MAN1A1: variants seen among roughly 807,000 people sequenced by gnomAD.
The protein encoded by MAN1A1 is mannosyl-oligosaccharide 1,2-alpha-mannosidase IA.
A neutral mutation model predicts 70.8 loss-of-function variants in MAN1A1; 29 were observed. That is an observed-to-expected ratio of 0.41 (90% confidence interval 0.31 to 0.56). MAN1A1 has a LOEUF of 0.56. MAN1A1 is among the 20% of genes least tolerant of loss of function. The pLI, the probability that MAN1A1 is intolerant of heterozygous loss-of-function variation, is 0.29. For synonymous variants in MAN1A1, 349 were observed against 330.1 expected (o/e 1.06, Z -0.62); for missense variants, 747 against 841.3 (o/e 0.89, Z 1.39).
chr6:119,210,327 G>GA lies in MAN1A1; in HGVS notation c.993-5446dup, dbSNP rs1237186010. 9.9e-5 allele frequency among the ~76,000 whole-genome samples: 15 copies of GA among 152,028 alleles called. 1 individual carries two copies. The highest frequency in any genetic ancestry group is 8.5e-4 in the Admixed American group (13 of 15,246). The stretch of plus-strand genomic sequence containing the variant: ...TCTGTCCAGTTACTGGGCAAGTTGG[G>GA]ATATTCTATCAATAGCTTCAGAGAA... On this transcript the variant is annotated intron_variant, in intron 6 of 12. Coordinates refer to ENST00000368468, the MANE Select transcript of MAN1A1 (RefSeq NM_005907.4).
chr6:119,257,604 A>T (rs1480916949), intron 5 of MAN1A1, among the ~76,000 whole-genome samples: 5 of 152,222 alleles, frequency 3.3e-5, no homozygotes, highest in Admixed American at 3.3e-4. Flanking sequence ...TCAAGAAGAA[A>T]GTATATGCTT....
chr6:119,223,659 G>A lies in MAN1A1; in HGVS notation c.993-18777C>T, dbSNP rs571713790. 3.3e-5 allele frequency among the ~76,000 whole-genome samples: 5 copies of A among 152,050 alleles called. No individual in the cohort carries two copies. In the South Asian group the frequency reaches 6.2e-4, roughly 19 times the overall value. On this transcript the variant is annotated intron_variant, in intron 6 of 12. Transcript: ENST00000368468. ...GAAAAGAGTTTGGATATCTAAAAAC[G>A]GGAGACAGGTTAAAAATTATGGCCT...
chr6:119,179,754 C>T lies in MAN1A1; in HGVS notation c.*65G>A. The T allele has an allele frequency of 6.8e-7, 1 of 1,463,080 alleles. No individual in the cohort carries two copies. The highest frequency in any genetic ancestry group is 1.2e-5 in the South Asian group (1 of 83,342). 90.6% of individuals were successfully genotyped at this position (1,463,080 alleles called of 1,614,324 possible). Reference sequence around the variant, plus strand: ...CAAAGTTCATCATGTGCCTGATTACCAGAAAAGGAATTATTAAGGTATACA... The same window carrying T: ...CAAAGTTCATCATGTGCCTGATTACTAGAAAAGGAATTATTAAGGTATACA... On this transcript the variant is annotated 3_prime_UTR_variant, in exon 13 of 13. Transcript: ENST00000368468.
At chr6:119,259,098 C>T (rs1250302190) in intron 5 of MAN1A1, among the ~76,000 whole-genome samples, 3 of 152,150 alleles carry the variant, frequency 2.0e-5, no homozygotes, top group Admixed American at 6.5e-5. Flanking sequence ...ACTAAATGGT[C>T]CAAAAGCTGC....
rs187834412 is a variant in MAN1A1 at position 119,180,490 on chromosome 6, A to G, written c.1720-63T>C. Reference sequence around the variant, plus strand: ...AGTAAACTGATTGTCACTAATTTTTATTATTAGATTGTCAAGTTCAGATAA... The same window carrying G: ...AGTAAACTGATTGTCACTAATTTTTGTTATTAGATTGTCAAGTTCAGATAA... On this transcript the variant is annotated intron_variant, in intron 11 of 12. Transcript: ENST00000368468. 5.9e-4 allele frequency: 511 copies of G among 864,114 alleles called. 6 individuals carry two copies. In the Middle Eastern group the frequency reaches 0.02, roughly 33 times the overall value. 53.5% of individuals were successfully genotyped at this position (864,114 alleles called of 1,614,324 possible).
chr6:119,280,007 T>C (rs1776187221), intron 5 of MAN1A1, among the ~76,000 whole-genome samples: 1 of 152,268 alleles, frequency 6.6e-6, no homozygotes, highest in South Asian at 2.1e-4. Flanking sequence ...GTATTTTCTC[T>C]TGGACTCTGT....
chr6:119,252,723 C>G (rs556779743), intron 5 of MAN1A1, among the ~76,000 whole-genome samples: 2 of 152,046 alleles, frequency 1.3e-5, no homozygotes, highest in Non-Finnish European at 2.9e-5. Context: ...ACCCGGGAGG[C>G]GGCAGTTGCA....
chr6:119,264,862 T>C (rs902908209), intron 5 of MAN1A1, among the ~76,000 whole-genome samples: 3 of 152,196 alleles, frequency 2.0e-5, no homozygotes, highest in Non-Finnish European at 2.9e-5. Flanking sequence ...TTTGTGGTAG[T>C]TTATGGGTAA....
chr6:119,278,675 AAGGTGGGGCCTAGTAGG>A (rs952511233), intron 5 of MAN1A1, among the ~76,000 whole-genome samples: 3 of 152,092 alleles, frequency 2.0e-5, no homozygotes, highest in African/African-American at 7.2e-5. Flanking sequence ...CCAGTGTTGG[AAGGTGGGGCCTAGTAGG>A]AGGTGTTTGG....
intron 6 of MAN1A1, among the ~76,000 whole-genome samples, chr6:119,240,073 T>C (rs1380887484): frequency 6.6e-6 from 1 of 152,210 alleles, no homozygotes; most frequent in South Asian, 2.1e-4. Context: ...CTGTGGTAGA[T>C]GCTATGGGAA....
chr6:119,275,602 G>A (rs1412602528), intron 5 of MAN1A1, among the ~76,000 whole-genome samples: 1 of 139,662 alleles, frequency 7.2e-6, no homozygotes, highest in South Asian at 2.1e-4. Context: ...CACCGCGCCC[G>A]GCCTAATTTT....
chr6:119,221,115 T>A (rs1221671334), intron 6 of MAN1A1, among the ~76,000 whole-genome samples: 2 of 150,866 alleles, frequency 1.3e-5, no homozygotes, highest in African/African-American at 4.8e-5. Flanking sequence ...TTTAGCATTA[T>A]CTGAAAAAAT....
intron 8 of MAN1A1, among the ~76,000 whole-genome samples, chr6:119,199,523 G>A (rs2114943374): frequency 6.6e-6 from 1 of 152,116 alleles, no homozygotes; most frequent in Admixed American, 6.5e-5. Context: ...TCACAGGTTG[G>A]TATTTATTAG....
intron 10 of MAN1A1, 29 bp from the exon 11 acceptor site, chr6:119,188,606 G>T: frequency 6.3e-7 from 1 of 1,598,434 alleles, no homozygotes; most frequent in Non-Finnish European, 8.5e-7. Context: ...ATGAATAAGG[G>T]TTATTTTCCT....
At chr6:119,262,848 C>G (rs545060098) in intron 5 of MAN1A1, among the ~76,000 whole-genome samples, 1 of 152,268 alleles carries the variant, frequency 6.6e-6, no homozygotes, top group African/African-American at 2.4e-5. Flanking sequence ...CTTGATTGGA[C>G]TGAGGGATAC....
At chr6:119,217,469 A>G (rs2114964321) in intron 6 of MAN1A1, among the ~76,000 whole-genome samples, 1 of 152,202 alleles carries the variant, frequency 6.6e-6, no homozygotes, top group African/African-American at 2.4e-5. Context: ...TTTAGTGGAA[A>G]CAGGGTTTCA....
At chr6:119,309,999 T>C (rs1772655667) in intron 2 of MAN1A1, among the ~76,000 whole-genome samples, 1 of 152,224 alleles carries the variant, frequency 6.6e-6, no homozygotes, top group African/African-American at 2.4e-5. Flanking sequence ...TGCTGTCTCA[T>C]TTACTATCTC....
At chr6:119,277,148 G>T (rs1419856035) in intron 5 of MAN1A1, among the ~76,000 whole-genome samples, 1 of 152,062 alleles carries the variant, frequency 6.6e-6, no homozygotes, top group African/African-American at 2.4e-5. Flanking sequence ...CAATTTAAAT[G>T]AATTTTCAGC....
At chr6:119,204,308 CA>C (rs1773798859) in intron 7 of MAN1A1, among the ~76,000 whole-genome samples, 1 of 152,096 alleles carries the variant, frequency 6.6e-6, no homozygotes, top group Non-Finnish European at 1.5e-5. Flanking sequence ...AGCCAAAAAG[CA>C]GGTTGAAAAT....
Sources: allele counts gnomAD v4.1 joint callset (sites outside exome capture counted in the v4.1 genomes callset), GRCh38; gene constraint gnomAD v4.1.1; transcripts MANE v1.5; gene names NCBI Gene and HGNC (gene_info 2026-07-23, HGNC 2026-07-21).